EFL1: variants seen among roughly 807,000 people sequenced by gnomAD.
EFL1 encodes the protein elongation factor like GTPase 1.
In EFL1, 76 loss-of-function variants were observed where a neutral mutation model predicts 126.7. The observed-to-expected ratio is 0.60, with a 90% CI of 0.50 to 0.73. EFL1 has a LOEUF of 0.73. Ranked by LOEUF, EFL1 falls within the 30% of genes least tolerant of loss-of-function variation. EFL1 has a pLI of 0.00. For synonymous variants in EFL1, 410 were observed against 448.4 expected, an observed-to-expected ratio of 0.91 and a Z score of 1.08; for missense variants, 1,128 against 1,343.2, an observed-to-expected ratio of 0.84 and a Z score of 2.50.
rs775430621 is a variant in EFL1 at position 82,225,225 on chromosome 15, A to T, written c.1232T>A (p.Ile411Asn). The change falls in exon 12 of 20, where the codon ATT becomes AAT. Residue 411 changes from isoleucine to asparagine, a missense_variant. Around this residue, in one of 6 missense-constraint regions of EFL1, gnomAD observed 316 missense variants for 318.5 expected, o/e 0.99. Transcript: ENST00000268206. Reference protein sequence around the residue: ...KCGSEDTAPVIIFVSKMFAVD... With the variant: ...KCGSEDTAPVNIFVSKMFAVD... ...TGCAAACATTTTGGAAACAAATATA[A>T]TAACTGGAGCAGTGTCCTCACTTCC... The T allele has an allele frequency of 3.1e-6, 5 of 1,613,006 alleles. No homozygotes were observed. The highest frequency in any genetic ancestry group is 3.4e-6 in the Non-Finnish European group (4 of 1,179,694).
chr15:82,134,923 T>C (rs546077954), intron 19 of EFL1, among the ~76,000 whole-genome samples: 1 of 152,346 alleles, frequency 6.6e-6, no homozygotes, highest in South Asian at 2.1e-4. Flanking sequence ...AAGCTCTTGA[T>C]TGTAAATTAT....
chr15:82,149,133 G>A (rs1240679932), intron 18 of EFL1, among the ~76,000 whole-genome samples: 2 of 152,170 alleles, frequency 1.3e-5, no homozygotes, highest in African/African-American at 2.4e-5. Flanking sequence ...AATGTGTTAA[G>A]ATGGTGGTGA....
intron 14 of EFL1, chr15:82,215,480 A>G (rs1305217029): frequency 6.6e-6 from 1 of 152,156 alleles, no homozygotes; most frequent in Non-Finnish European, 1.5e-5. Context: ...GTACAAGTAC[A>G]TTAGATTTAT....
rs574495726 is a variant in EFL1 at position 82,198,490 on chromosome 15, T to C, written c.1750+16227A>G. Among the ~76,000 whole-genome samples, 13 of 152,324 alleles carry C rather than the reference T, an allele frequency of 8.5e-5. No homozygotes were observed. The South Asian group carries it at 2.7e-3, about 32-fold the overall frequency. The stretch of plus-strand genomic sequence containing the variant: ...ACTCCTGCTTATGAGAAGAGATCTT[T>C]GGAAGGATGGAATTCCTCTATGTCA... On this transcript the variant is annotated intron_variant, in intron 15 of 19. Transcript: ENST00000268206.
intron 18 of EFL1, among the ~76,000 whole-genome samples, chr15:82,149,036 G>A (rs1029294044): frequency 1.3e-5 from 2 of 151,650 alleles, no homozygotes; most frequent in Non-Finnish European, 2.9e-5. Flanking sequence ...GTAAAGGACC[G>A]TAACTTCATC....
At chr15:82,184,172 A>G (rs1313877591) in intron 15 of EFL1, among the ~76,000 whole-genome samples, 1 of 152,232 alleles carries the variant, frequency 6.6e-6, no homozygotes, top group East Asian at 1.9e-4. Context: ...ATAAATGTCT[A>G]TCTTTGAAAG....
chr15:82,138,918 T>C, intron 18 of EFL1, 76 bp from the exon 19 acceptor site: 1 of 1,350,416 alleles, frequency 7.4e-7, no homozygotes, highest in Non-Finnish European at 1.0e-6. Context: ...ATTACCCATA[T>C]ACTCTGTAAC....
intron 4 of EFL1, among the ~76,000 whole-genome samples, chr15:82,249,663 G>C (rs1192654240): frequency 1.3e-5 from 2 of 152,044 alleles, no homozygotes; most frequent in African/African-American, 4.8e-5. Context: ...TAAATGTATG[G>C]TATCCTTGTG....
intron 15 of EFL1, among the ~76,000 whole-genome samples, chr15:82,193,802 A>C (rs2141273943): frequency 6.6e-6 from 1 of 152,294 alleles, no homozygotes; most frequent in Non-Finnish European, 1.5e-5. Flanking sequence ...TGGCTCAATC[A>C]ATTGAATGTG....
At chr15:82,154,991 G>T (rs1405171090) in intron 17 of EFL1, among the ~76,000 whole-genome samples, 1 of 152,016 alleles carries the variant, frequency 6.6e-6, no homozygotes, top group African/African-American at 2.4e-5. Context: ...ACTATGTTTT[G>T]AACTTCATAT....
intron 15 of EFL1, among the ~76,000 whole-genome samples, chr15:82,168,195 T>C (rs1403114953): frequency 1.3e-5 from 2 of 152,210 alleles, no homozygotes; most frequent in East Asian, 3.8e-4. Flanking sequence ...TGGTTTTGTA[T>C]CTTTCATCAA....
At chr15:82,228,355 G>T in intron 9 of EFL1, 28 bp from the exon 10 acceptor site, 1 of 1,608,080 alleles carries the variant, frequency 6.2e-7, no homozygotes, top group Non-Finnish European at 8.5e-7. Flanking sequence ...TTGGAGAGGG[G>T]AAATGTCATA....
intron 15 of EFL1, among the ~76,000 whole-genome samples, chr15:82,212,149 A>G (rs1204537391): frequency 6.6e-6 from 1 of 152,238 alleles, no homozygotes; most frequent in Non-Finnish European, 1.5e-5. Flanking sequence ...TTTTACCAAA[A>G]AAATTACAAA....
intron 17 of EFL1, among the ~76,000 whole-genome samples, chr15:82,153,202 C>T (rs931593679): frequency 2.0e-5 from 3 of 152,106 alleles, no homozygotes; most frequent in Admixed American, 6.6e-5. Flanking sequence ...CAGTCTGCCA[C>T]CAAGTTCAGA....
intron 14 of EFL1, among the ~76,000 whole-genome samples, chr15:82,219,307 C>G (rs1478699702): frequency 6.6e-6 from 1 of 152,178 alleles, no homozygotes; most frequent in Non-Finnish European, 1.5e-5. Flanking sequence ...GTTTTTGGAT[C>G]TTCCTATTTC....
intron 2 of EFL1, among the ~76,000 whole-genome samples, chr15:82,260,957 G>A (rs1270192239): frequency 6.6e-6 from 1 of 152,230 alleles, no homozygotes; most frequent in Non-Finnish European, 1.5e-5. Context: ...GCATGAAGGA[G>A]CGCTATGGAG....
chr15:82,182,833 A>C (rs1202706995), intron 15 of EFL1, among the ~76,000 whole-genome samples: 5 of 152,178 alleles, frequency 3.3e-5, no homozygotes, highest in African/African-American at 4.8e-5. Flanking sequence ...TCAAAAAAAA[A>C]AAAGAATCAT....
chr15:82,176,656 G>A (rs945855970), intron 15 of EFL1, among the ~76,000 whole-genome samples: 12 of 152,126 alleles, frequency 7.9e-5, no homozygotes, highest in Non-Finnish European at 1.5e-5. Flanking sequence ...TCGAATGAAA[G>A]CAAAAACAAG....
Position 82,262,673 on chromosome 15 carries a change from T to C in EFL1, c.-79A>G. Reference sequence around the variant, plus strand: ...CTCGGGTCGCACCCACACCGAGAGCTTCCGAAAGTCCGAGAGCTCTGCGGG... The same window carrying C: ...CTCGGGTCGCACCCACACCGAGAGCCTCCGAAAGTCCGAGAGCTCTGCGGG... On this transcript the variant is annotated 5_prime_UTR_variant, in exon 1 of 20. Coordinates refer to ENST00000268206, the MANE Select transcript of EFL1 (RefSeq NM_024580.6). 2 of 545,060 alleles carry C rather than the reference T, an allele frequency of 3.7e-6. No homozygotes were observed. Among genetic ancestry groups the C allele is most frequent in the African/African-American group, 2.0e-5 (1 of 50,332 alleles). 33.8% of individuals were successfully genotyped at this position (545,060 alleles called of 1,614,324 possible).
Sources: allele counts gnomAD v4.1 joint callset (sites outside exome capture counted in the v4.1 genomes callset), GRCh38; gene constraint gnomAD v4.1.1; regional missense constraint gnomAD v4.1.1; transcripts MANE v1.5; gene names NCBI Gene and HGNC (gene_info 2026-07-23, HGNC 2026-07-21).